DLGAP4: variants seen among roughly 807,000 people sequenced by gnomAD.
DLGAP4 encodes DLG associated protein 4, also known as disks large-associated protein 4.
A neutral mutation model predicts 86.9 loss-of-function variants in DLGAP4; 18 were observed. That is an observed-to-expected ratio of 0.21 (90% CI 0.14 to 0.31). The LOEUF (loss-of-function observed/expected upper bound fraction) is 0.31, where lower values mean the gene tolerates loss of function less well. DLGAP4 is among the 10% of genes least tolerant of loss of function. DLGAP4 has a pLI of 1.00. For synonymous variants in DLGAP4, 548 were observed against 574.3 expected (o/e 0.95, Z 0.65); for missense variants, 1,085 against 1,362.6 (o/e 0.80, Z 3.21).
chr20:36,444,931 C>T (rs1415546510), intron 6 of DLGAP4, among the ~76,000 whole-genome samples: 7 of 151,870 alleles, frequency 4.6e-5, no homozygotes, highest in African/African-American at 1.7e-4. Context: ...TGAGCCACCA[C>T]GCCTGGACTA....
At chr20:36,367,905 G>T (rs1389819886) in intron 2 of DLGAP4, among the ~76,000 whole-genome samples, 1 of 152,154 alleles carries the variant, frequency 6.6e-6, no homozygotes, top group Non-Finnish European at 1.5e-5. Flanking sequence ...GGCTCTGCTG[G>T]CATAACAATC....
Position 36,431,869 on chromosome 20 carries a change from C to G in DLGAP4, c.152C>G (p.Thr51Ser), listed in dbSNP as rs1243906017. ...GAGGCCCGCTTCCCCGGGCAGAACA[C>G]CCTGCCAGGAGATGGCCTCTTTCCC... Reference protein sequence around the residue: ...AREARFPGQNTLPGDGLFPLN... With the variant: ...AREARFPGQNSLPGDGLFPLN... Residue 51 changes from threonine (T) to serine (S), a missense_variant, in exon 3 of 13, where the codon ACC becomes AGC. Thr to Ser is a moderately conservative substitution (Grantham distance 58). Coordinates refer to ENST00000339266, the MANE Select transcript of DLGAP4 (RefSeq NM_001365621.2). This position sits in a 1 kb window ranked among gnomAD's most constrained non-coding sequence, Gnocchi z 5.1. 1 of 1,614,126 alleles carries G rather than the reference C, an allele frequency of 6.2e-7. No homozygotes were observed. Among genetic ancestry groups the G allele is most frequent in the Non-Finnish European group, 8.5e-7 (1 of 1,180,002 alleles).
intron 2 of DLGAP4, among the ~76,000 whole-genome samples, chr20:36,373,466 C>G (rs1280386106): frequency 6.6e-6 from 1 of 152,136 alleles, no homozygotes; most frequent in African/African-American, 2.4e-5. Context: ...ATGTGCCCAC[C>G]CCTCAATCAA....
chr20:36,355,298 C>CTTT (rs530582187), intron 1 of DLGAP4, among the ~76,000 whole-genome samples: 1 of 135,100 alleles, frequency 7.4e-6, no homozygotes, highest in Non-Finnish European at 1.6e-5. Context: ...TTCTTTCTTT[C>CTTT]TTTTTTTTTT....
intron 7 of DLGAP4, among the ~76,000 whole-genome samples, chr20:36,478,753 A>G (rs2035054740): frequency 6.6e-6 from 1 of 152,216 alleles, no homozygotes; most frequent in Non-Finnish European, 1.5e-5. Context: ...TGAAACCTGT[A>G]GGGTTTGTAC....
At chr20:36,474,687 C>T (rs1186588900) in intron 7 of DLGAP4, among the ~76,000 whole-genome samples, 1 of 150,540 alleles carries the variant, frequency 6.6e-6, no homozygotes, top group Non-Finnish European at 1.5e-5. Context: ...GGGCTGCCAC[C>T]GTTGCTGCTG....
At chr20:36,469,491 G>A (rs2034562415) in intron 7 of DLGAP4, among the ~76,000 whole-genome samples, 1 of 152,172 alleles carries the variant, frequency 6.6e-6, no homozygotes, top group Admixed American at 6.5e-5. Context: ...GGTGGCTCAC[G>A]CATGTAATCC....
At chr20:36,381,095 A>G (rs139503025) in intron 2 of DLGAP4, among the ~76,000 whole-genome samples, 171 of 152,388 alleles carry the variant, frequency 1.1e-3, no homozygotes, top group Non-Finnish European at 1.9e-3. Flanking sequence ...TATTTAATGT[A>G]CATAAAATAA....
intron 7 of DLGAP4, among the ~76,000 whole-genome samples, chr20:36,478,006 A>C (rs2035022446): frequency 6.6e-6 from 1 of 152,228 alleles, no homozygotes; most frequent in Non-Finnish European, 1.5e-5. Flanking sequence ...TTTCCGTCTT[A>C]CTGGATTTGA....
At chr20:36,383,163 G>A (rs1378605479) in intron 2 of DLGAP4, among the ~76,000 whole-genome samples, 1 of 152,174 alleles carries the variant, frequency 6.6e-6, no homozygotes, top group Non-Finnish European at 1.5e-5. Context: ...CTCCGCTGGG[G>A]TCTCCACTGA....
intron 1 of DLGAP4, among the ~76,000 whole-genome samples, chr20:36,365,348 C>G (rs1265045897): frequency 6.6e-6 from 1 of 152,254 alleles, no homozygotes; most frequent in Non-Finnish European, 1.5e-5. Flanking sequence ...CTTTCCCGCC[C>G]TGGCAATTTT....
In DLGAP4 at chr20:36,432,300, C is replaced by T. The variant is rs759586146; in HGVS notation, c.583C>T (p.Arg195Trp). Reference protein sequence around the residue: ...KERAKAGEPKRRSRSNISGWW... With the variant: ...KERAKAGEPKWRSRSNISGWW... The stretch of plus-strand genomic sequence containing the variant: ...GCGGGCCAAGGCTGGGGAGCCCAAA[C>T]GGCGCAGCCGCTCCAACATCTCAGG... The change falls in exon 3 of 13, where the codon CGG (arginine) becomes TGG (tryptophan). Residue 195 changes from arginine (R) to tryptophan (W), a missense_variant. By Grantham distance (101) the Arg-to-Trp change is moderately radical. Coordinates refer to ENST00000339266, the MANE Select transcript of DLGAP4 (RefSeq NM_001365621.2). The surrounding 1 kb of genome is among the most constrained non-coding windows in gnomAD (Gnocchi z 6.5). The T allele has an allele frequency of 1.4e-5, 23 of 1,613,606 alleles. No homozygotes were observed. Among genetic ancestry groups the T allele is most frequent in the East Asian group, 2.2e-5 (1 of 44,894 alleles).
At chr20:36,339,068 G>A (rs951277809) in intron 1 of DLGAP4, among the ~76,000 whole-genome samples, 21 of 152,316 alleles carry the variant, frequency 1.4e-4, no homozygotes, top group African/African-American at 4.8e-4. Flanking sequence ...GAGGGTTTTA[G>A]GCAGAAGGTA....
chr20:36,363,470 TCCACAGCGGTGGC>T (rs1326462924), intron 1 of DLGAP4, among the ~76,000 whole-genome samples: 41 of 152,218 alleles, frequency 2.7e-4, no homozygotes, highest in African/African-American at 9.9e-4. Flanking sequence ...AGTGGCTCGG[TCCACAGCGGTGGC>T]AGCAGGGTGG....
At chr20:36,526,777 T>TTTTA (rs1481574450) in intron 12 of DLGAP4, 36 bp from the exon 13 acceptor site, 1 of 1,529,582 alleles carries the variant, frequency 6.5e-7, no homozygotes, top group East Asian at 2.4e-5. Context: ...GGCACCTTTA[T>TTTTA]TTTATTTTTG....
chr20:36,401,833 G>A (rs1166313270), intron 2 of DLGAP4, among the ~76,000 whole-genome samples: 3 of 152,248 alleles, frequency 2.0e-5, no homozygotes, highest in Admixed American at 2.0e-4. Flanking sequence ...GCCTCCCTGA[G>A]GAGGTGACGT....
chr20:36,369,958 C>T (rs890449840), intron 2 of DLGAP4, among the ~76,000 whole-genome samples: 4 of 152,156 alleles, frequency 2.6e-5, no homozygotes, highest in African/African-American at 9.7e-5. Flanking sequence ...AACTACTTGT[C>T]ATGCTGCCAA....
At chr20:36,442,535 G>A (rs938227909) in intron 5 of DLGAP4, among the ~76,000 whole-genome samples, 192 bp from the exon 6 acceptor site, 3 of 152,140 alleles carry the variant, frequency 2.0e-5, no homozygotes, top group African/African-American at 4.8e-5. Flanking sequence ...CCTCAGTAAT[G>A]CCCAGCCCCA....
chr20:36,428,562 C>G (rs1013675600), intron 2 of DLGAP4, among the ~76,000 whole-genome samples: 1 of 152,182 alleles, frequency 6.6e-6, no homozygotes, highest in Non-Finnish European at 1.5e-5. Flanking sequence ...TGGTACCGTC[C>G]CATCCTCCCC....
Sources: gnomAD v4.1 joint callset for allele counts (sites outside exome capture counted in the v4.1 genomes callset) on GRCh38, gnomAD v4.1.1 for gene constraint, Gnocchi (gnomAD v3.1) non-coding constraint, MANE v1.5 for transcripts, NCBI Gene and HGNC (gene_info 2026-07-23, HGNC 2026-07-21) for gene names.